The following POLR3D variants were observed in gnomAD, a reference collection of about 807,000 sequenced individuals.
POLR3D encodes DNA-directed RNA polymerase III subunit RPC4.
In POLR3D, 42 loss-of-function variants were observed where a neutral mutation model predicts 44.5. The observed-to-expected ratio is 0.94, with a 90% confidence interval of 0.74 to 1.22. The LOEUF is 1.22. POLR3D is among the 50% of genes most tolerant of loss of function. POLR3D has a pLI of 0.00. For missense variants in POLR3D, 507 were observed against 505.2 expected, an observed-to-expected ratio of 1.00 and a Z score of -0.03; for synonymous variants, 217 against 198.1, an observed-to-expected ratio of 1.10 and a Z score of -0.80.
At position 22,248,511 on chromosome 8, in the gene POLR3D, ACT is replaced by A. The variant is rs1004812615; in HGVS notation, c.519_520del (p.Arg174LysfsTer16). On this transcript the variant is annotated frameshift_variant, in exon 6 of 9. Transcript: ENST00000306433. LOFTEE classifies it high-confidence loss of function. ...CGATGACCCCGGCCTGAGGAACGAC[ACT>A]CGAAATATGCCTGTGCAGCTGCCGC... ...FLDDPGLRND[T>X]RNMPVQLPLA... 6.2e-7 allele frequency: 1 copy of A among 1,613,994 alleles called. No individual in the cohort carries two copies. The highest frequency in any genetic ancestry group is 8.5e-7 in the Non-Finnish European group (1 of 1,180,018).
Position 22,252,841 on chromosome 8 carries a change from TGTCG to T in POLR3D, c.*2324_*2327del, listed in dbSNP as rs1348294950. The T allele has an allele frequency of 6.6e-6, 1 of 152,238 alleles. No homozygotes were observed. The highest frequency in any genetic ancestry group is 2.4e-5 in the African/African-American group (1 of 41,462). 9.4% of individuals were successfully genotyped at this position (152,238 alleles called of 1,614,324 possible). A position where few individuals can be genotyped will look rare whatever the true frequency, so the allele number is the denominator to read the frequency against. The stretch of plus-strand genomic sequence containing the variant: ...CATGTTTAAGTGGCAGAGTCCAGGC[TGTCG>T]AGTCACGGTTGGGTTTGAATCTGAC... On this transcript the variant is annotated 3_prime_UTR_variant, in exon 9 of 9. Coordinates refer to ENST00000306433, the MANE Select transcript of POLR3D (RefSeq NM_001722.3).
rs537056993 is a variant in POLR3D at position 22,250,643 on chromosome 8, C to A, written c.*125C>A. 6.2e-5 allele frequency: 77 copies of A among 1,237,814 alleles called. No homozygotes were observed. In the East Asian group the frequency reaches 1.7e-3, roughly 27 times the overall value. The allele number at this position is 1,237,814 out of a possible 1,614,324, so 76.7% of individuals were successfully genotyped here. A position where few individuals can be genotyped will look rare whatever the true frequency, so the allele number is the denominator to read the frequency against. On this transcript the variant is annotated 3_prime_UTR_variant, in exon 9 of 9. Coordinates refer to ENST00000306433, the MANE Select transcript of POLR3D (RefSeq NM_001722.3). The stretch of plus-strand genomic sequence containing the variant: ...CCCACTCACTCCAGCCTTTGGCAAC[C>A]ATTGTTCCAGGTCCCCCAGGGCTTC...
In POLR3D at chr8:22,250,462, C is replaced by T; in HGVS notation, c.1141C>T (p.His381Tyr). Residue 381 changes from histidine (H) to tyrosine (Y), a missense_variant, in exon 9 of 9, where the codon CAC (histidine) becomes TAC (tyrosine). Coordinates refer to ENST00000306433, the MANE Select transcript of POLR3D (RefSeq NM_001722.3). ...GATGACAGTCCTGGGACACGTGAAG[C>T]ACAAACTTGTATGTTCCCCTGATTT... Reference protein sequence around the residue: ...GEMTVLGHVKHKLVCSPDFES... With the variant: ...GEMTVLGHVKYKLVCSPDFES... 1.2e-6 allele frequency: 2 copies of T among 1,614,158 alleles called. No homozygotes were observed. Among genetic ancestry groups the T allele is most frequent in the East Asian group, 2.2e-5 (1 of 44,876 alleles).
chr8:22,245,431 C>G lies in POLR3D; in HGVS notation c.-5-14C>G, dbSNP rs765890661. 5.3e-6 allele frequency: 7 copies of G among 1,309,392 alleles called. No individual in the cohort carries two copies. The highest frequency in any genetic ancestry group is 6.9e-6 in the Non-Finnish European group (7 of 1,021,644). 81.1% of individuals were successfully genotyped at this position (1,309,392 alleles called of 1,614,324 possible). ...CAGTCCCCTCTGGTGATCTCGTCGC[C>G]CCTTCTCTCCCAGGCAACATGTCGG... is the stretch of plus-strand genomic sequence containing the variant. On this transcript the variant is annotated splice_polypyrimidine_tract_variant and intron_variant, in intron 1 of 8. Transcript: ENST00000306433.
chr8:22,245,398 C>G, intron 1 of POLR3D, 47 bp from the exon 2 acceptor site: 2 of 1,296,660 alleles, frequency 1.5e-6, no homozygotes, highest in East Asian at 5.7e-5. Flanking sequence ...CCGCCAGGGT[C>G]CGCGTGTCAG....
rs1419009467 is a variant in POLR3D at position 22,253,055 on chromosome 8, T to C, written c.*2537T>C. On this transcript the variant is annotated 3_prime_UTR_variant, in exon 9 of 9. Transcript: ENST00000306433. ...TATAACAGGATGTGATCAGCACAAG[T>C]AACAGAAAATTAGCCTGACGGTGGC... is the stretch of plus-strand genomic sequence containing the variant. 6.6e-6 allele frequency: 1 copy of C among 152,214 alleles called. No individual in the cohort carries two copies. The highest frequency in any genetic ancestry group is 1.5e-5 in the Non-Finnish European group (1 of 68,036). 9.4% of individuals were successfully genotyped at this position (152,214 alleles called of 1,614,324 possible).
Position 22,253,158 on chromosome 8 carries a change from T to C in POLR3D, c.*2640T>C, listed in dbSNP as rs1363706484. ...TTCTAGAGTTGGGTGGAAGCCAAAA[T>C]GTCATCAGGATTTCCTTGGAACCGT... On this transcript the variant is annotated 3_prime_UTR_variant, in exon 9 of 9. Transcript: ENST00000306433. 1 of 152,190 alleles carries C rather than the reference T, an allele frequency of 6.6e-6. No homozygotes were observed. Among genetic ancestry groups the C allele is most frequent in the Non-Finnish European group, 1.5e-5 (1 of 68,032 alleles). The allele number at this position is 152,190 out of a possible 1,614,324, so 9.4% of individuals were successfully genotyped here.
In POLR3D at chr8:22,247,958, A is replaced by G; in HGVS notation, c.311A>G (p.Gln104Arg). Residue 104 changes from glutamine (Q) to arginine (R), a missense_variant, in exon 4 of 9, where the codon CAG (glutamine) becomes CGG (arginine). Gln to Arg is a conservative substitution (Grantham distance 43). Transcript: ENST00000306433. ...GGGCGAGGCCGTCCAGAAGTGATCC[A>G]GTCTCACTCCATCTTTGAGCAGGGC... is the stretch of plus-strand genomic sequence containing the variant. ...GRGRGRPEVI[Q>R]SHSIFEQGPA... The G allele has an allele frequency of 6.2e-7, 1 of 1,614,180 alleles. No homozygotes were observed. The highest frequency in any genetic ancestry group is 8.5e-7 in the Non-Finnish European group (1 of 1,180,024).
chr8:22,250,499 T>G lies in POLR3D; in HGVS notation c.1178T>G (p.Leu393Trp). 6.2e-7 allele frequency: 1 copy of G among 1,614,176 alleles called. No homozygotes were observed. The highest frequency in any genetic ancestry group is 8.5e-7 in the Non-Finnish European group (1 of 1,180,014). ...TGTTCCCCTGATTTTGAATCCCTCT[T>G]GGATCACAAACACCGGTAAAATGAG... ...LVCSPDFESLLDHKHR is the reference protein window; with the variant it reads ...LVCSPDFESLWDHKHR Residue 393 changes from leucine to tryptophan, a missense_variant, in exon 9 of 9, where the codon TTG becomes TGG. Physicochemically the swap from Leu to Trp is moderately conservative, Grantham distance 61. Transcript: ENST00000306433.
In POLR3D at chr8:22,248,434, C is replaced by T. The variant is rs1563319231; in HGVS notation, c.487-47C>T. 5.0e-6 allele frequency: 8 copies of T among 1,599,556 alleles called. No individual in the cohort carries two copies. The East Asian group carries it at 1.3e-4, about 27-fold the overall frequency. On this transcript the variant is annotated intron_variant, in intron 5 of 8. Transcript: ENST00000306433. ...AAAGGGACTAAAGCAGACTTTGATC[C>T]AGGTGCATGTGCTAGCAGGCTGGAT...
chr8:22,245,779 G>A (rs1830034232), intron 2 of POLR3D, among the ~76,000 whole-genome samples, 165 bp downstream of exon 2: 1 of 152,286 alleles, frequency 6.6e-6, no homozygotes, highest in East Asian at 1.9e-4. Context: ...TCAAATCTAG[G>A]TACTGAGTAC....
intron 7 of POLR3D, 151 bp from the exon 8 acceptor site, chr8:22,249,924 T>C (rs1830086055): frequency 2.8e-6 from 2 of 724,478 alleles, no homozygotes; most frequent in Non-Finnish European, 4.6e-6. Context: ...TTTTGTATTT[T>C]AACCATAGCA....
rs1830057189 is a variant in POLR3D at position 22,247,748 on chromosome 8, A to G, written c.210-109A>G. 3 of 1,003,994 alleles carry G rather than the reference A, an allele frequency of 3.0e-6. No individual in the cohort carries two copies. The African/African-American group carries it at 4.8e-5, about 16-fold the overall frequency. The allele number at this position is 1,003,994 out of a possible 1,614,324, so 62.2% of individuals were successfully genotyped here. A position where few individuals can be genotyped will look rare whatever the true frequency, so the allele number is the denominator to read the frequency against. On this transcript the variant is annotated intron_variant, in intron 3 of 8. Transcript: ENST00000306433. ...GGATTCTGCTTCTCATGGTGTAAAT[A>G]TTGGCTCAAACTCTCCACTGTTTTG...
In POLR3D at chr8:22,248,055, A is replaced by T. The variant is rs1253720995; in HGVS notation, c.361+47A>T. Reference sequence around the variant, plus strand: ...ATTTCAGTTCAGACTGCCCCAGAGAAGGGCGAGAACAGTGGAATTTCCCCA... The same window carrying T: ...ATTTCAGTTCAGACTGCCCCAGAGATGGGCGAGAACAGTGGAATTTCCCCA... On this transcript the variant is annotated intron_variant, in intron 4 of 8. Transcript: ENST00000306433. 1.9e-6 allele frequency: 3 copies of T among 1,607,898 alleles called. No individual in the cohort carries two copies. In the African/African-American group the frequency reaches 4.0e-5, roughly 22 times the overall value.
chr8:22,248,777 A>G, intron 6 of POLR3D, 128 bp downstream of exon 6: 3 of 960,616 alleles, frequency 3.1e-6, no homozygotes, highest in Middle Eastern at 3.4e-4. Flanking sequence ...CGGCTGTAAG[A>G]TACATGAGCT....
At chr8:22,248,110 C>CATCT in intron 4 of POLR3D, 44 bp from the exon 5 acceptor site, 2 of 1,610,872 alleles carry the variant, frequency 1.2e-6, no homozygotes, top group Non-Finnish European at 1.7e-6. Flanking sequence ...TGCTGTTGGG[C>CATCT]ATCTTCCTTA....
At position 22,249,088 on chromosome 8, in the gene POLR3D, G is replaced by C. The variant is rs1830072835; in HGVS notation, c.700G>C (p.Ala234Pro). Residue 234 changes from alanine (A) to proline (P), a missense_variant, in exon 7 of 9, where the codon GCT becomes CCT. Coordinates refer to ENST00000306433, the MANE Select transcript of POLR3D (RefSeq NM_001722.3). ...RDEEEEAKMK[A>P]PPKAARKTPG... ...TGAGGAGGAAGAGGCCAAGATGAAG[G>C]CTCCTCCCAAAGCAGCCAGGAAGAC... The C allele has an allele frequency of 2.5e-6, 4 of 1,613,906 alleles. 1 individual carries two copies. Among genetic ancestry groups the C allele is most frequent in the Non-Finnish European group, 2.5e-6 (3 of 1,179,948 alleles).
rs757737536 is a variant in POLR3D, at chr8:22,249,319, G to T, written c.921+10G>T. 23 of 1,611,436 alleles carry T rather than the reference G, an allele frequency of 1.4e-5. No homozygotes were observed. Among genetic ancestry groups the T allele is most frequent in the Non-Finnish European group, 2.0e-5 (23 of 1,177,848 alleles). On this transcript the variant is annotated intron_variant, in intron 7 of 8. Coordinates refer to ENST00000306433, the MANE Select transcript of POLR3D (RefSeq NM_001722.3). ...GCAGGAGAAAGACCGAGTACGCTCA[G>T]ACAGAGGCCTGCGGGAATCAAGTCG...
chr8:22,248,313 T>C (rs774941210), intron 5 of POLR3D, 35 bp downstream of exon 5: 2 of 1,608,088 alleles, frequency 1.2e-6, no homozygotes, highest in East Asian at 4.5e-5. Context: ...GGGGTTTCCT[T>C]GTGGCTGTAG....
Sources: gnomAD v4.1 joint callset for allele counts (sites outside exome capture counted in the v4.1 genomes callset) on GRCh38, gnomAD v4.1.1 for gene constraint, MANE v1.5 for transcripts, NCBI Gene and HGNC (gene_info 2026-07-23, HGNC 2026-07-21) for gene names.